GALNT2: variants seen among roughly 807,000 people sequenced by gnomAD.
GALNT2 encodes the protein polypeptide N-acetylgalactosaminyltransferase 2.
A neutral mutation model predicts 81.4 loss-of-function variants in GALNT2; 31 were observed. The observed-to-expected ratio is 0.38, with a 90% CI of 0.29 to 0.51. GALNT2 has a LOEUF of 0.51. GALNT2 is among the 20% of genes least tolerant of loss of function. GALNT2 has a pLI of 0.87. For missense variants in GALNT2, 629 were observed against 765.7 expected (o/e 0.82, Z 2.11); for synonymous variants, 303 against 287.4 (o/e 1.05, Z -0.55).
intron 1 of GALNT2, among the ~76,000 whole-genome samples, chr1:230,126,841 C>T (rs959201106): frequency 1.3e-5 from 2 of 152,196 alleles, no homozygotes; most frequent in African/African-American, 4.8e-5. Flanking sequence ...GGAGTGACTG[C>T]ACCCAGCGCA....
intron 2 of GALNT2, among the ~76,000 whole-genome samples, chr1:230,197,903 C>T (rs893653256): frequency 3.3e-5 from 5 of 152,158 alleles, no homozygotes; most frequent in Admixed American, 2.6e-4. Context: ...CTCCAGCCAG[C>T]GATCTGACTG....
intron 1 of GALNT2, among the ~76,000 whole-genome samples, chr1:230,098,872 G>A (rs1234470456): frequency 1.3e-5 from 2 of 152,182 alleles, no homozygotes; most frequent in Admixed American, 6.5e-5. Flanking sequence ...AGTTGACCAT[G>A]ATGTGTTATG....
chr1:230,079,150 A>G (rs1412535221), intron 1 of GALNT2, among the ~76,000 whole-genome samples: 1 of 152,228 alleles, frequency 6.6e-6, no homozygotes, highest in Non-Finnish European at 1.5e-5. Flanking sequence ...AATATGTGTT[A>G]GTCCTTTTGG....
intron 1 of GALNT2, among the ~76,000 whole-genome samples, chr1:230,123,782 C>A (rs912998101): frequency 2.0e-5 from 3 of 152,248 alleles, no homozygotes; most frequent in Admixed American, 2.0e-4. Context: ...TTTTAATTGC[C>A]TTCTTTTGTC....
At chr1:230,208,916 A>G (rs1018334394) in intron 3 of GALNT2, among the ~76,000 whole-genome samples, 2 of 152,214 alleles carry the variant, frequency 1.3e-5, no homozygotes, top group East Asian at 3.9e-4. Context: ...ATTTACCACC[A>G]GGGCCCAATG....
At chr1:230,124,821 G>A (rs1246629991) in intron 1 of GALNT2, among the ~76,000 whole-genome samples, 3 of 152,134 alleles carry the variant, frequency 2.0e-5, no homozygotes, top group Non-Finnish European at 2.9e-5. Context: ...AGACTAGGGT[G>A]GTGTGGCCTG....
In GALNT2 at chr1:230,203,243, T is replaced by G; in HGVS notation, c.327T>G (p.Ser109Arg). 6.2e-7 allele frequency: 1 copy of G among 1,613,988 alleles called. No homozygotes were observed. The highest frequency in any genetic ancestry group is 8.5e-7 in the Non-Finnish European group (1 of 1,180,010). ...GCAACAAGTTCAACCAGGTGGAGAGTGATAAGCTTCGAATGGACAGAGCCA... is the reference window on the plus strand; with the variant it reads ...GCAACAAGTTCAACCAGGTGGAGAGGGATAAGCTTCGAATGGACAGAGCCA... ...YARNKFNQVE[S>R]DKLRMDRAIP... Residue 109 changes from serine to arginine, a missense_variant, in exon 3 of 16, where the codon AGT becomes AGG. Ser to Arg is a moderately radical substitution (Grantham distance 110). Transcript: ENST00000366672.
At position 230,184,359 on chromosome 1, in the gene GALNT2, T is replaced by G. The variant is rs566663494; in HGVS notation, c.220+6048T>G. On this transcript the variant is annotated intron_variant, in intron 2 of 15. Transcript: ENST00000366672. ...GCCCAACCACACCCAGCTAATTTTTTTGTATTTTTTTAGTAGAGATGGGGT... is the reference window on the plus strand; with the variant it reads ...GCCCAACCACACCCAGCTAATTTTTGTGTATTTTTTTAGTAGAGATGGGGT... Among the ~76,000 whole-genome samples the G allele has an allele frequency of 2.8e-4, 42 of 152,122 alleles. No individual in the cohort carries two copies. The East Asian group carries it at 7.8e-3, about 28-fold the overall frequency.
chr1:230,274,310 C>A, intron 14 of GALNT2, 135 bp from the exon 15 acceptor site: 1 of 1,190,138 alleles, frequency 8.4e-7, no homozygotes, highest in Non-Finnish European at 1.2e-6. Flanking sequence ...TTGTTTCGTT[C>A]TCAGTTGGCT....
At chr1:230,190,096 G>C (rs1288453347) in intron 2 of GALNT2, among the ~76,000 whole-genome samples, 1 of 152,258 alleles carries the variant, frequency 6.6e-6, no homozygotes, top group Non-Finnish European at 1.5e-5. Flanking sequence ...GATCTGCACA[G>C]TGTTGTCATA....
rs1214974480 is a variant in GALNT2 at position 230,249,263 on chromosome 1, C to T, written c.897C>T (p.Ala299=). The T allele has an allele frequency of 1.2e-6, 2 of 1,613,944 alleles. No homozygotes were observed. Among genetic ancestry groups the T allele is most frequent in the Admixed American group, 1.7e-5 (1 of 60,000 alleles). The change falls in exon 9 of 16, where the codon GCC becomes GCT. Residue 299 remains alanine (A), a synonymous_variant. Transcript: ENST00000366672. ...GGTCCCGGCAGGGGAACCCAGTCGC[C>T]CCTATAAAGTAAGTGCCAGCATCCT... The part of the protein sequence containing the change: ...QRRSRQGNPV[A]PIKTPMIAGG...
chr1:230,082,639 G>A (rs1480703288), intron 1 of GALNT2, among the ~76,000 whole-genome samples: 1 of 152,238 alleles, frequency 6.6e-6, no homozygotes, highest in African/African-American at 2.4e-5. Context: ...AGGAGAGGGA[G>A]GCACACATAT....
intron 3 of GALNT2, among the ~76,000 whole-genome samples, chr1:230,205,773 A>AGCC (rs935552929): frequency 6.6e-6 from 1 of 152,154 alleles, no homozygotes; most frequent in Admixed American, 6.5e-5. Context: ...CCCCACCACC[A>AGCC]GCCCATCCCC....
chr1:230,137,280 G>A (rs780190595), intron 1 of GALNT2, among the ~76,000 whole-genome samples: 1 of 152,242 alleles, frequency 6.6e-6, no homozygotes, highest in Non-Finnish European at 1.5e-5. Flanking sequence ...CACGTAGGCT[G>A]GGGTGGGGTT....
At chr1:230,103,740 A>G (rs376131372) in intron 1 of GALNT2, among the ~76,000 whole-genome samples, 1 of 150,654 alleles carries the variant, frequency 6.6e-6, no homozygotes, top group African/African-American at 2.5e-5. Context: ...AAAAAAAAAA[A>G]GCACATAATT....
chr1:230,075,120 G>GC (rs1558271038), intron 1 of GALNT2, among the ~76,000 whole-genome samples: 1 of 52,050 alleles, frequency 1.9e-5, no homozygotes, highest in Middle Eastern at 9.4e-3. Flanking sequence ...GGTCTGTTTT[G>GC]CTTTTTTTTT....
intron 3 of GALNT2, among the ~76,000 whole-genome samples, chr1:230,207,997 T>C (rs1395043283): frequency 6.6e-6 from 1 of 152,274 alleles, no homozygotes; most frequent in Non-Finnish European, 1.5e-5. Context: ...CAATGTGTAA[T>C]GATCAAGTCA....
Position 230,262,782 on chromosome 1 carries a change from G to T in GALNT2, c.1229+117G>T. 1.5e-6 allele frequency: 2 copies of T among 1,311,380 alleles called. No individual in the cohort carries two copies. Among genetic ancestry groups the T allele is most frequent in the South Asian group, 2.5e-5 (2 of 80,372 alleles). The allele number at this position is 1,311,380 out of a possible 1,614,324, so 81.2% of individuals were successfully genotyped here. ...TACCCAGGTGCCAAGGCGGGAAGGG[G>T]TTGTGGGCACAGGAGCATGGGCAGT... On this transcript the variant is annotated intron_variant, in intron 12 of 15. Transcript: ENST00000366672.
intron 2 of GALNT2, among the ~76,000 whole-genome samples, chr1:230,196,053 A>G (rs578253032): frequency 2.0e-5 from 3 of 152,208 alleles, no homozygotes; most frequent in Non-Finnish European, 4.4e-5. Flanking sequence ...CCTGGAGTGC[A>G]AAGTGGATCA....
Sources: gnomAD v4.1 joint callset for allele counts (sites outside exome capture counted in the v4.1 genomes callset) on GRCh38, gnomAD v4.1.1 for gene constraint, MANE v1.5 for transcripts, NCBI Gene and HGNC (gene_info 2026-07-23, HGNC 2026-07-21) for gene names.